SVEP1: variants seen among roughly 807,000 people sequenced by gnomAD.
SVEP1 encodes sushi, von Willebrand factor type A, EGF and pentraxin domain containing 1.
Under a neutral mutation model 367.3 loss-of-function variants are expected in SVEP1, and 164 were observed. The observed-to-expected ratio is 0.45, with a 90% CI of 0.39 to 0.51. SVEP1 has a LOEUF of 0.51. Among genes scored for constraint, SVEP1 ranks in the 20% least tolerant of loss-of-function variants. The pLI is 0.00. For synonymous variants in SVEP1, 1,666 were observed against 1,611.6 expected (o/e 1.03, Z -0.81); for missense variants, 4,117 against 4,425.3 (o/e 0.93, Z 1.98).
chr9:110,478,204 T>C (rs1829126834), intron 13 of SVEP1, among the ~76,000 whole-genome samples: 1 of 152,178 alleles, frequency 6.6e-6, no homozygotes, highest in Admixed American at 6.5e-5. Context: ...AGGTCTCCTC[T>C]CAAACAGGAA....
chr9:110,527,694 A>AT (rs960571710), intron 3 of SVEP1, among the ~76,000 whole-genome samples: 4 of 151,834 alleles, frequency 2.6e-5, no homozygotes, highest in Non-Finnish European at 5.9e-5. Context: ...ATTTCATAAA[A>AT]TTTTTTTTCA....
chr9:110,487,213 C>T (rs1364095327), intron 9 of SVEP1, among the ~76,000 whole-genome samples: 1 of 152,216 alleles, frequency 6.6e-6, no homozygotes, highest in African/African-American at 2.4e-5. Context: ...GCCTTGGCCT[C>T]CCAAAGTGCT....
rs952327070 is a variant in SVEP1, at chr9:110,514,639, T to C, written c.965-533A>G. On this transcript the variant is annotated intron_variant, in intron 3 of 47. Coordinates refer to ENST00000374469, the MANE Select transcript of SVEP1 (RefSeq NM_153366.4). ...TATTTGCAAGGTATGAAGTGGCCTC[T>C]TATGTCCCACAATTAGTTTCAAATA... Among the ~76,000 whole-genome samples the C allele has an allele frequency of 2.2e-4, 33 of 152,334 alleles. 1 individual carries two copies. The highest frequency in any genetic ancestry group is 3.4e-3 in the Middle Eastern group (1 of 294).
chr9:110,453,913 T>C (rs565072299), intron 22 of SVEP1, among the ~76,000 whole-genome samples: 1 of 151,550 alleles, frequency 6.6e-6, no homozygotes, highest in Non-Finnish European at 1.5e-5. Context: ...TTCTGACTGG[T>C]GTGAGATGGT....
At chr9:110,435,125 T>G (rs36029526) in intron 29 of SVEP1, 116 bp downstream of exon 29, 99,592 of 1,179,014 alleles carry the variant, frequency 0.084, 4,772 homozygotes, top group Non-Finnish European at 0.096. Flanking sequence ...TTACAAAAAG[T>G]AGATTGACAG....
At chr9:110,451,017 G>C (rs949250244) in intron 23 of SVEP1, among the ~76,000 whole-genome samples, 4 of 151,984 alleles carry the variant, frequency 2.6e-5, no homozygotes, top group Admixed American at 6.6e-5. Context: ...TTTGTCTCCA[G>C]TTCCTTCTTG....
chr9:110,464,692 GCTT>G (rs1189426916), intron 18 of SVEP1, among the ~76,000 whole-genome samples: 1 of 152,102 alleles, frequency 6.6e-6, no homozygotes, highest in Non-Finnish European at 1.5e-5. Flanking sequence ...TGTGGGAACA[GCTT>G]CTTCATTTCT....
intron 43 of SVEP1, among the ~76,000 whole-genome samples, chr9:110,384,428 C>G (rs745861650): frequency 2.0e-5 from 3 of 152,024 alleles, no homozygotes; most frequent in Non-Finnish European, 4.4e-5. Flanking sequence ...TGTTTTTGTT[C>G]TTCTCGGTGG....
In SVEP1 at chr9:110,408,303, G is replaced by A; in HGVS notation, c.7297C>T (p.Pro2433Ser). The A allele has an allele frequency of 6.2e-7, 1 of 1,613,926 alleles. No individual in the cohort carries two copies. Among genetic ancestry groups the A allele is most frequent in the Non-Finnish European group, 8.5e-7 (1 of 1,179,878 alleles). The change falls in exon 38 of 48, where the codon CCA (proline) becomes TCA (serine). Residue 2433 changes from proline to serine, a missense_variant. By Grantham distance (74) the Pro-to-Ser change is moderately conservative. Coordinates refer to ENST00000374469, the MANE Select transcript of SVEP1 (RefSeq NM_153366.4). ...GGACATTCTACTGGAACACATTCTG[G>A]CAGTGGAGAGCTCCAGGTGCCATCA... ...QPDGTWSSPL[P>S]ECVPVECPQP...
At chr9:110,370,084 C>T (rs1303801298) in intron 46 of SVEP1, 68 bp from the exon 47 acceptor site, 17 of 1,408,370 alleles carry the variant, frequency 1.2e-5, no homozygotes, top group African/African-American at 8.5e-5. Flanking sequence ...CATAAAGGCA[C>T]GTAGGATAAG....
chr9:110,467,794 C>G (rs1828959955), intron 17 of SVEP1, among the ~76,000 whole-genome samples: 2 of 152,006 alleles, frequency 1.3e-5, no homozygotes, highest in South Asian at 2.1e-4. Flanking sequence ...CACCACCATG[C>G]CTGGCTAATT....
intron 22 of SVEP1, among the ~76,000 whole-genome samples, chr9:110,452,052 T>G (rs1217930328): frequency 6.6e-6 from 1 of 152,164 alleles, no homozygotes; most frequent in Non-Finnish European, 1.5e-5. Context: ...GGTTGAAGAG[T>G]TCAAGGATGC....
At chr9:110,499,388 T>C (rs1829497559) in intron 6 of SVEP1, 150 bp from the exon 7 acceptor site, 1 of 697,390 alleles carries the variant, frequency 1.4e-6, no homozygotes, top group African/African-American at 1.8e-5. Context: ...GAATGTATAA[T>C]ATATTGTAAA....
At chr9:110,578,541 C>T (rs1158019851) in intron 1 of SVEP1, among the ~76,000 whole-genome samples, 1 of 152,090 alleles carries the variant, frequency 6.6e-6, no homozygotes. Flanking sequence ...ACTTCCTCTT[C>T]CAGATATTAA....
At chr9:110,563,147 TAGG>T (rs1488692909) in intron 1 of SVEP1, among the ~76,000 whole-genome samples, 1 of 152,170 alleles carries the variant, frequency 6.6e-6, no homozygotes, top group Non-Finnish European at 1.5e-5. Flanking sequence ...TGACCAGCAA[TAGG>T]AGATTTCTAA....
intron 42 of SVEP1, among the ~76,000 whole-genome samples, chr9:110,386,892 C>CATATTTAT (rs1827532423): frequency 6.6e-6 from 1 of 152,220 alleles, no homozygotes; most frequent in African/African-American, 2.4e-5. Context: ...CTTAATTTAT[C>CATATTTAT]ATATTTATAT....
At chr9:110,508,760 C>CAAAAAA (rs11316319) in intron 5 of SVEP1, among the ~76,000 whole-genome samples, 102 of 76,444 alleles carry the variant, frequency 1.3e-3, no homozygotes, top group Non-Finnish European at 1.6e-3. Context: ...GACTCCATCT[C>CAAAAAA]AAAAAAAAAA....
intron 38 of SVEP1, among the ~76,000 whole-genome samples, chr9:110,404,806 C>T (rs1469217596): frequency 1.3e-5 from 2 of 152,186 alleles, no homozygotes; most frequent in Non-Finnish European, 2.9e-5. Flanking sequence ...AGGAGGACCA[C>T]TTGAGTCCAG....
chr9:110,373,486 C>A lies in SVEP1; in HGVS notation c.10600+1882G>T, dbSNP rs116699916. Among the ~76,000 whole-genome samples, 1,087 of 152,220 alleles carry A rather than the reference C, an allele frequency of 7.1e-3. 16 individuals are homozygous for A. Among genetic ancestry groups the A allele is most frequent in the Middle Eastern group, 0.044 (13 of 294 alleles). On this transcript the variant is annotated intron_variant, in intron 46 of 47. Transcript: ENST00000374469. ...GTCTTTCCAGCCTTAGGGTTCATGA[C>A]AAGCTCTGGTGTTAGGAAGCCCTGT...
Sources: allele counts gnomAD v4.1 joint callset (sites outside exome capture counted in the v4.1 genomes callset), GRCh38; gene constraint gnomAD v4.1.1; transcripts MANE v1.5; gene names NCBI Gene and HGNC (gene_info 2026-07-23, HGNC 2026-07-21).